Variants in RPS6KC1 observed in about 807,000 individuals in gnomAD.
RPS6KC1 encodes the protein inactive ribosomal protein S6 kinase delta-1.
In RPS6KC1, 54 loss-of-function variants were observed where a neutral mutation model predicts 103.8. That is an observed-to-expected ratio of 0.52 (90% confidence interval 0.42 to 0.65). The LOEUF is 0.65. RPS6KC1 is among the 30% of genes least tolerant of loss of function. The pLI is 0.00. For synonymous variants in RPS6KC1, 439 were observed against 438.7 expected, an observed-to-expected ratio of 1.00 and a Z score of -0.01; for missense variants, 1,151 against 1,253.8, an observed-to-expected ratio of 0.92 and a Z score of 1.24.
At chr1:213,332,406 A>G in the RPS6KC1 span, among the ~76,000 whole-genome samples, 1 of 152,214 alleles carries the variant, frequency 6.6e-6, no homozygotes, top group African/African-American at 2.4e-5. Flanking sequence ...CAGCGATCCA[A>G]TCAAATGGCA....
the RPS6KC1 span, among the ~76,000 whole-genome samples, chr1:213,453,562 A>C: frequency 6.6e-6 from 1 of 152,146 alleles, no homozygotes; most frequent in Non-Finnish European, 1.5e-5. Flanking sequence ...AGGACAGGTG[A>C]GTACAAGAAT....
At chr1:213,557,492 C>T in the RPS6KC1 span, among the ~76,000 whole-genome samples, 1 of 152,078 alleles carries the variant, frequency 6.6e-6, no homozygotes, top group East Asian at 1.9e-4. Flanking sequence ...AGGATGGGAC[C>T]CTGGGATTAA....
rs761768731 is a variant in RPS6KC1, at chr1:213,241,551, T to C, written c.2075T>C (p.Leu692Pro). The change falls in exon 11 of 15, where the codon CTT (leucine) becomes CCT (proline). Residue 692 changes from leucine (L) to proline (P), a missense_variant. Physicochemically the swap from Leu to Pro is moderately conservative, Grantham distance 98. Coordinates refer to ENST00000366960, the MANE Select transcript of RPS6KC1 (RefSeq NM_012424.6). ...ACTGATGAAGGAAGACCTGATCTTC[T>C]TGTAAATTTACCTGGTGAATTGGAG... is the stretch of plus-strand genomic sequence containing the variant. ...SGTDEGRPDL[L>P]VNLPGELEST... 1 of 1,614,012 alleles carries C rather than the reference T, an allele frequency of 6.2e-7. No individual in the cohort carries two copies.
the RPS6KC1 span, among the ~76,000 whole-genome samples, chr1:213,391,014 T>G: frequency 2.0e-5 from 3 of 151,626 alleles, no homozygotes; most frequent in African/African-American, 7.3e-5. Flanking sequence ...TAGTTTTTTT[T>G]CCCCCCATCT....
At chr1:213,536,055 C>CTT in the RPS6KC1 span, among the ~76,000 whole-genome samples, 1 of 150,450 alleles carries the variant, frequency 6.6e-6, no homozygotes, top group African/African-American at 2.4e-5. Context: ...ACTATAAACA[C>CTT]TTTTTTTTTT....
chr1:213,535,531 T>G, the RPS6KC1 span, among the ~76,000 whole-genome samples: 4 of 152,184 alleles, frequency 2.6e-5, no homozygotes, highest in Non-Finnish European at 5.9e-5. Context: ...CAGTGCAGTA[T>G]CTCTGCAGAT....
intron 8 of RPS6KC1, among the ~76,000 whole-genome samples, chr1:213,211,383 AG>A (rs1378536107): frequency 1.3e-5 from 2 of 152,226 alleles, no homozygotes; most frequent in African/African-American, 4.8e-5. Flanking sequence ...AGAATGACAA[AG>A]GTGTGGAGAG....
the RPS6KC1 span, among the ~76,000 whole-genome samples, chr1:213,403,713 A>G: frequency 2.6e-5 from 4 of 152,150 alleles, no homozygotes; most frequent in Admixed American, 6.5e-5. Flanking sequence ...CAAATATGTC[A>G]ATCAAGATGG....
At chr1:213,527,092 C>T in the RPS6KC1 span, among the ~76,000 whole-genome samples, 1 of 151,998 alleles carries the variant, frequency 6.6e-6, no homozygotes, top group Admixed American at 6.6e-5. Flanking sequence ...AGACTTGGTC[C>T]CAAAATTTGA....
At chr1:213,104,307 A>G (rs573319137) in intron 3 of RPS6KC1, 147 bp from the exon 4 acceptor site, 3 of 467,792 alleles carry the variant, frequency 6.4e-6, no homozygotes, top group South Asian at 8.1e-5. Context: ...CTAATTGTAG[A>G]GATTAGATTT....
At chr1:213,293,315 T>C in the RPS6KC1 span, among the ~76,000 whole-genome samples, 1 of 152,216 alleles carries the variant, frequency 6.6e-6, no homozygotes, top group Non-Finnish European at 1.5e-5. Context: ...TTTCCTTCTG[T>C]ATATATAACC....
the RPS6KC1 span, among the ~76,000 whole-genome samples, chr1:213,318,047 G>A: frequency 3.9e-3 from 595 of 152,348 alleles, 4 homozygotes; most frequent in African/African-American, 0.013. Flanking sequence ...GGGGGGCAGG[G>A]GCTGTGTTCG....
chr1:213,674,563 A>G, the RPS6KC1 span, among the ~76,000 whole-genome samples: 98,243 of 152,032 alleles, frequency 0.65, 32,253 homozygotes, highest in South Asian at 0.82. Context: ...ATCTAGGTTG[A>G]TTCCATGACT....
At chr1:213,511,733 T>C in the RPS6KC1 span, among the ~76,000 whole-genome samples, 1 of 152,214 alleles carries the variant, frequency 6.6e-6, no homozygotes, top group Non-Finnish European at 1.5e-5. Context: ...TGGTTCATAG[T>C]TGTTTCTTCA....
chr1:213,371,923 G>A, the RPS6KC1 span, among the ~76,000 whole-genome samples: 22 of 152,172 alleles, frequency 1.4e-4, no homozygotes, highest in Admixed American at 1.4e-3. Flanking sequence ...TCATCCTGGA[G>A]GGTCTTCATG....
At chr1:213,560,842 T>A in the RPS6KC1 span, among the ~76,000 whole-genome samples, 4 of 152,296 alleles carry the variant, frequency 2.6e-5, no homozygotes, top group South Asian at 8.3e-4. Flanking sequence ...TGAGCTTGGG[T>A]AACTCACCCT....
the RPS6KC1 span, among the ~76,000 whole-genome samples, chr1:213,580,403 A>C: frequency 2.0e-5 from 3 of 152,096 alleles, no homozygotes; most frequent in Non-Finnish European, 4.4e-5. Flanking sequence ...TTGAGATGGA[A>C]TCTACTCCTG....
At chr1:213,466,711 T>A in the RPS6KC1 span, among the ~76,000 whole-genome samples, 2 of 152,220 alleles carry the variant, frequency 1.3e-5, no homozygotes, top group Non-Finnish European at 2.9e-5. Context: ...TGTATCTTTA[T>A]CATTAGCAAT....
chr1:213,354,098 G>C, the RPS6KC1 span, among the ~76,000 whole-genome samples: 3 of 152,272 alleles, frequency 2.0e-5, no homozygotes, highest in East Asian at 5.8e-4. Context: ...ACCCTTACCT[G>C]TCTTGGCACC....
Sources: gnomAD v4.1 joint callset for allele counts (sites outside exome capture counted in the v4.1 genomes callset) on GRCh38, gnomAD v4.1.1 for gene constraint, MANE v1.5 for transcripts, NCBI Gene and HGNC (gene_info 2026-07-23, HGNC 2026-07-21) for gene names.